Variants in VPS8 observed in about 807,000 individuals in gnomAD.
The protein encoded by VPS8 is VPS8 subunit of CORVET complex, also known as vacuolar protein sorting-associated protein 8 homolog.
A neutral mutation model predicts 216.4 loss-of-function variants in VPS8; 129 were observed. The ratio of observed to expected loss-of-function variants is 0.60; its 90% CI spans 0.52 to 0.69. The LOEUF (loss-of-function observed/expected upper bound fraction) is 0.69, where lower values mean the gene tolerates loss of function less well. VPS8 is among the 30% of genes least tolerant of loss of function. The probability of loss-of-function intolerance (pLI) is 0.00; values close to 1 mark genes in which losing one functional copy is unlikely to be tolerated. For synonymous variants in VPS8, 571 were observed against 565.4 expected (o/e 1.01, Z -0.14); for missense variants, 1,531 against 1,683.5 (o/e 0.91, Z 1.59).
Position 184,921,863 on chromosome 3 carries a change from C to A in VPS8, c.2454+1665C>A, listed in dbSNP as rs187591119. Among the ~76,000 whole-genome samples, 26 of 152,268 alleles carry A rather than the reference C, an allele frequency of 1.7e-4. No homozygotes were observed. The East Asian group carries it at 4.6e-3, about 27-fold the overall frequency. On this transcript the variant is annotated intron_variant, in intron 29 of 47. Transcript: ENST00000625842. Reference sequence around the variant, plus strand: ...TACAGGTGTGAGCCACTGTGCCCAGCCCTGAGAAGTTCTGTTTCTAAGTTA... The same window carrying A: ...TACAGGTGTGAGCCACTGTGCCCAGACCTGAGAAGTTCTGTTTCTAAGTTA...
intron 46 of VPS8, among the ~76,000 whole-genome samples, chr3:185,042,593 T>C (rs1205181457): frequency 6.6e-6 from 1 of 152,108 alleles, no homozygotes; most frequent in Middle Eastern, 3.2e-3. Flanking sequence ...CTCCGTTACA[T>C]TGTGGGTGGC....
At chr3:184,893,606 A>T (rs990387822) in intron 22 of VPS8, among the ~76,000 whole-genome samples, 3 of 152,202 alleles carry the variant, frequency 2.0e-5, no homozygotes, top group Non-Finnish European at 4.4e-5. Flanking sequence ...AGGATTATAC[A>T]TTGTGGGTGG....
intron 47 of VPS8, 46 bp downstream of exon 47, chr3:185,048,605 T>A (rs1357644882): frequency 6.2e-7 from 1 of 1,601,334 alleles, no homozygotes; most frequent in Non-Finnish European, 8.5e-7. Flanking sequence ...CTATTTATAG[T>A]TTACTGCTTT....
At position 184,984,194 on chromosome 3, in the gene VPS8, A is replaced by AAACAAAAAAACAAAAAAACTCACCAAG; in HGVS notation, c.3585+1100_3585+1101insAACAAAAAAACAAAAAAACTCACCAAG. 6.4e-5 allele frequency among the ~76,000 whole-genome samples: 3 copies of AAACAAAAAAACAAAAAAACTCACCAAG among 46,528 alleles called. 1 individual carries two copies. Among genetic ancestry groups the AAACAAAAAAACAAAAAAACTCACCAAG allele is most frequent in the African/African-American group, 1.3e-4 (2 of 14,856 alleles). 30.5% of individuals were successfully genotyped at this position (46,528 alleles called of 152,430 possible). A position where few individuals can be genotyped will look rare whatever the true frequency, so the allele number is the denominator to read the frequency against. On this transcript the variant is annotated intron_variant, in intron 42 of 47. Transcript: ENST00000625842. Reference sequence around the variant, plus strand: ...GCGAGACTCCGTCTCAAAAAAAAAAACTCTACTTCCCATCTGATATTAAGC... The same window carrying AAACAAAAAAACAAAAAAACTCACCAAG: ...GCGAGACTCCGTCTCAAAAAAAAAAAAACAAAAAAACAAAAAAACTCACCAAGCTCTACTTCCCATCTGATATTAAGC...
chr3:185,041,367 A>G (rs1166401655), intron 46 of VPS8, among the ~76,000 whole-genome samples: 1 of 148,226 alleles, frequency 6.7e-6, no homozygotes, highest in Non-Finnish European at 1.5e-5. Context: ...GTCTGTTCCC[A>G]CTCAGATTGT....
intron 29 of VPS8, among the ~76,000 whole-genome samples, chr3:184,920,577 G>T (rs946619488): frequency 6.6e-6 from 1 of 152,162 alleles, no homozygotes; most frequent in Non-Finnish European, 1.5e-5. Context: ...AGGCAGTGCC[G>T]TATTCTATCA....
At position 184,850,000 on chromosome 3, in the gene VPS8, G is replaced by T; in HGVS notation, c.731G>T (p.Gly244Val). ...LRSITDAHPPGTAILHIKFTD... is the reference protein window; with the variant it reads ...LRSITDAHPPVTAILHIKFTD... ...TCAATAACAGATGCTCATCCTCCAGGAACAGCAATATTGCATATCAAGGTA... is the reference window on the plus strand; with the variant it reads ...TCAATAACAGATGCTCATCCTCCAGTAACAGCAATATTGCATATCAAGGTA... The change falls in exon 10 of 48, where the codon GGA becomes GTA. Residue 244 changes from glycine (G) to valine (V), a missense_variant. Physicochemically the swap from Gly to Val is moderately radical, Grantham distance 109. Transcript: ENST00000625842. The T allele has an allele frequency of 6.2e-7, 1 of 1,612,988 alleles. No individual in the cohort carries two copies. The highest frequency in any genetic ancestry group is 8.5e-7 in the Non-Finnish European group (1 of 1,179,472).
At chr3:185,045,662 T>A (rs1712702885) in intron 46 of VPS8, among the ~76,000 whole-genome samples, 1 of 151,158 alleles carries the variant, frequency 6.6e-6, no homozygotes, top group Non-Finnish European at 1.5e-5. Context: ...TCTCTCCTAC[T>A]CAGCTGAGGT....
At chr3:185,017,845 T>A (rs1362577467) in intron 45 of VPS8, among the ~76,000 whole-genome samples, 1 of 151,982 alleles carries the variant, frequency 6.6e-6, no homozygotes, top group Admixed American at 6.5e-5. Context: ...CGGCCCTTCA[T>A]GACGTTTCCC....
intron 6 of VPS8, chr3:184,839,102 A>G (rs992597383): frequency 4.5e-6 from 1 of 221,946 alleles, no homozygotes; most frequent in African/African-American, 2.3e-5. Flanking sequence ...TGTGGAAAAT[A>G]GTACATTTAA....
At chr3:184,887,188 T>C (rs138985628) in intron 22 of VPS8, among the ~76,000 whole-genome samples, 184 of 151,970 alleles carry the variant, frequency 1.2e-3, no homozygotes, top group African/African-American at 4.2e-3. Flanking sequence ...ACAAGTAAAT[T>C]TTTAAAAAAT....
intron 1 of VPS8, among the ~76,000 whole-genome samples, chr3:184,823,245 G>A (rs1360254499): frequency 2.0e-5 from 3 of 152,172 alleles, no homozygotes; most frequent in African/African-American, 4.8e-5. Context: ...AGGCATGATG[G>A]CACATGCCTG....
chr3:184,930,829 A>G (rs1740555479), intron 34 of VPS8, among the ~76,000 whole-genome samples: 1 of 152,212 alleles, frequency 6.6e-6, no homozygotes, highest in South Asian at 2.1e-4. Context: ...TACAAAGTTC[A>G]TAGAATGATT....
chr3:184,954,714 C>T (rs1268466907), intron 36 of VPS8, among the ~76,000 whole-genome samples: 1 of 152,084 alleles, frequency 6.6e-6, no homozygotes, highest in African/African-American at 2.4e-5. Context: ...AGTTTTCAGC[C>T]CTCTATTCTT....
intron 6 of VPS8, chr3:184,839,018 A>G (rs2108585959): frequency 3.2e-6 from 1 of 308,148 alleles, no homozygotes; most frequent in Non-Finnish European, 5.9e-6. Context: ...TACCCTGCCC[A>G]AGTAAATTTG....
chr3:184,999,708 G>A lies in VPS8; in HGVS notation c.3849G>A (p.Leu1283=), dbSNP rs1753140164. 1 of 1,607,942 alleles carries A rather than the reference G, an allele frequency of 6.2e-7. No homozygotes were observed. Among genetic ancestry groups the A allele is most frequent in the Non-Finnish European group, 8.5e-7 (1 of 1,178,292 alleles). The stretch of plus-strand genomic sequence containing the variant: ...CTTCGTTTTGCAGCTGTGGCCATTT[G>A]TATCACTCATTCTGCCTACAAAACA... The part of the protein sequence containing the change: ...DEIIVFSCGH[L]YHSFCLQNKE... Residue 1283 remains leucine (L), a synonymous_variant, in exon 45 of 48, where the codon TTG becomes TTA. Coordinates refer to ENST00000625842, the MANE Select transcript of VPS8 (RefSeq NM_001009921.3).
Position 184,983,002 on chromosome 3 carries a change from G to A in VPS8, c.3503-10G>A. 6.3e-7 allele frequency: 1 copy of A among 1,583,126 alleles called. No homozygotes were observed. On this transcript the variant is annotated splice_polypyrimidine_tract_variant and intron_variant, in intron 41 of 47. Transcript: ENST00000625842. ...AAACTAACCTTAATGTTAATATTTT[G>A]TTATAACAGCTCTGAAGTCTTTGAC...
Position 184,955,081 on chromosome 3 carries a change from C to G in VPS8, c.3036-2293C>G, listed in dbSNP as rs570840634. 7.2e-5 allele frequency among the ~76,000 whole-genome samples: 11 copies of G among 152,278 alleles called. No individual in the cohort carries two copies. The East Asian group carries it at 2.1e-3, about 29-fold the overall frequency. ...GTAACGCCAGTGTCTGTGAAGGCAC[C>G]TGTTACTTAGCAGACCGCGAAAGGG... is the stretch of plus-strand genomic sequence containing the variant. On this transcript the variant is annotated intron_variant, in intron 36 of 47. Coordinates refer to ENST00000625842, the MANE Select transcript of VPS8 (RefSeq NM_001009921.3).
chr3:184,972,850 C>G (rs1203296626), intron 40 of VPS8, among the ~76,000 whole-genome samples: 1 of 152,130 alleles, frequency 6.6e-6, no homozygotes, highest in Non-Finnish European at 1.5e-5. Context: ...TTCGCCTGCC[C>G]TTCCAGGGCT....
Sources: gnomAD v4.1 joint callset for allele counts (sites outside exome capture counted in the v4.1 genomes callset) on GRCh38, gnomAD v4.1.1 for gene constraint, MANE v1.5 for transcripts, NCBI Gene and HGNC (gene_info 2026-07-23, HGNC 2026-07-21) for gene names.